Variants in RANBP9 observed in about 807,000 individuals in gnomAD.
RANBP9 encodes the protein ran-binding protein 9.
A neutral mutation model predicts 84.3 loss-of-function variants in RANBP9; 15 were observed. The ratio of observed to expected loss-of-function variants is 0.18; its 90% CI spans 0.12 to 0.27. The LOEUF (loss-of-function observed/expected upper bound fraction) is 0.27. Among genes scored for constraint, RANBP9 ranks in the 10% least tolerant of loss-of-function variants. The pLI is 1.00. For missense variants in RANBP9, 809 were observed against 912.8 expected, an observed-to-expected ratio of 0.89 and a Z score of 1.46; for synonymous variants, 392 against 349.6, an observed-to-expected ratio of 1.12 and a Z score of -1.35.
intron 5 of RANBP9, among the ~76,000 whole-genome samples, chr6:13,646,238 C>T (rs939756795): frequency 5.3e-5 from 8 of 152,028 alleles, no homozygotes; most frequent in Non-Finnish European, 1.0e-4. Context: ...GGTGAAACCC[C>T]GCCTCTACTA....
chr6:13,690,839 G>T (rs563329460), intron 2 of RANBP9, among the ~76,000 whole-genome samples: 1 of 152,108 alleles, frequency 6.6e-6, no homozygotes, highest in Admixed American at 6.6e-5. Context: ...AGAAGGGAAA[G>T]TAAACACACA....
chr6:13,671,674 A>G (rs1483614105), intron 2 of RANBP9, among the ~76,000 whole-genome samples: 1 of 152,168 alleles, frequency 6.6e-6, no homozygotes, highest in East Asian at 1.9e-4. Flanking sequence ...TCAGGTGACA[A>G]AAATGTTTAA....
At chr6:13,658,698 A>G in intron 3 of RANBP9, 82 bp downstream of exon 3, 1 of 1,130,150 alleles carries the variant, frequency 8.8e-7, no homozygotes, top group Non-Finnish European at 1.3e-6. Flanking sequence ...GTATCTTTAA[A>G]TATTACAATT....
At chr6:13,629,903 C>G (rs957953653) in intron 12 of RANBP9, among the ~76,000 whole-genome samples, 46 of 119,556 alleles carry the variant, frequency 3.8e-4, no homozygotes, top group African/African-American at 5.8e-4. Context: ...CTGTCTCTCT[C>G]TCTCTCTCTC....
In RANBP9 at chr6:13,702,493, G is replaced by A. The variant is rs528622298; in HGVS notation, c.572-5597C>T. Among the ~76,000 whole-genome samples, 5 of 152,156 alleles carry A rather than the reference G, an allele frequency of 3.3e-5. No individual in the cohort carries two copies. The South Asian group carries it at 1.0e-3, about 32-fold the overall frequency. On this transcript the variant is annotated intron_variant, in intron 1 of 13. Coordinates refer to ENST00000011619, the MANE Select transcript of RANBP9 (RefSeq NM_005493.3). ...ACATTTCCTGGAACACCATACCTTG[G>A]ACTAATATAATATAGTATTTTCATT...
chr6:13,650,945 CAG>C (rs537849766), intron 5 of RANBP9, among the ~76,000 whole-genome samples: 69 of 152,128 alleles, frequency 4.5e-4, no homozygotes, highest in African/African-American at 1.6e-3. Flanking sequence ...ACCTGGGTGA[CAG>C]AGTGAGATCA....
At chr6:13,647,213 A>G (rs1038491502) in intron 5 of RANBP9, among the ~76,000 whole-genome samples, 1 of 152,198 alleles carries the variant, frequency 6.6e-6, no homozygotes, top group African/African-American at 2.4e-5. Flanking sequence ...CATTATTTGT[A>G]ACACAAACAA....
In RANBP9 at chr6:13,622,509, TA is replaced by T. The variant is rs1458232394; in HGVS notation, c.2060-18del. 2 of 1,551,308 alleles carry T rather than the reference TA, an allele frequency of 1.3e-6. No individual in the cohort carries two copies. Among genetic ancestry groups the T allele is most frequent in the South Asian group, 1.2e-5 (1 of 81,696 alleles). Reference sequence around the variant, plus strand: ...TGTGGGTTTCTGAGGAAAAATAATTTAAAAATGAGAACAGCAATTAGCAAGA... The same window carrying T: ...TGTGGGTTTCTGAGGAAAAATAATTTAAAATGAGAACAGCAATTAGCAAGA... On this transcript the variant is annotated intron_variant, in intron 13 of 13. Coordinates refer to ENST00000011619, the MANE Select transcript of RANBP9 (RefSeq NM_005493.3).
intron 5 of RANBP9, among the ~76,000 whole-genome samples, chr6:13,648,924 T>A (rs1354793314): frequency 2.0e-5 from 3 of 152,218 alleles, no homozygotes; most frequent in Non-Finnish European, 4.4e-5. Context: ...GAATTAGTTA[T>A]ACTTAATGTC....
rs752713382 is a variant in RANBP9 at position 13,652,619 on chromosome 6, G to T, written c.927+40C>A. On this transcript the variant is annotated intron_variant, in intron 5 of 13. Coordinates refer to ENST00000011619, the MANE Select transcript of RANBP9 (RefSeq NM_005493.3). ...CAGTATCAGTTTCTTTATACTTCCT[G>T]TAATTAAAAATGGAAAACTGCTTTT... 6.6e-5 allele frequency: 100 copies of T among 1,520,048 alleles called. No homozygotes were observed. The East Asian group carries it at 2.1e-3, about 32-fold the overall frequency. The allele number at this position is 1,520,048 out of a possible 1,614,324, so 94.2% of individuals were successfully genotyped here.
At chr6:13,700,003 T>C (rs1757926539) in intron 1 of RANBP9, among the ~76,000 whole-genome samples, 1 of 152,216 alleles carries the variant, frequency 6.6e-6, no homozygotes, top group African/African-American at 2.4e-5. Context: ...TTACCTCAAA[T>C]TCTGTGGTAA....
intron 1 of RANBP9, among the ~76,000 whole-genome samples, chr6:13,700,427 T>C (rs1757939517): frequency 6.6e-6 from 1 of 152,200 alleles, no homozygotes; most frequent in Non-Finnish European, 1.5e-5. Context: ...TTTCAATTCT[T>C]CACATTGATC....
chr6:13,645,534 T>C (rs906265580), intron 5 of RANBP9, among the ~76,000 whole-genome samples: 1 of 152,234 alleles, frequency 6.6e-6, no homozygotes, highest in Non-Finnish European at 1.5e-5. Context: ...TCTGAGTGGC[T>C]ACTAAATGCC....
At chr6:13,701,522 C>G (rs1757970542) in intron 1 of RANBP9, among the ~76,000 whole-genome samples, 1 of 152,152 alleles carries the variant, frequency 6.6e-6, no homozygotes, top group Non-Finnish European at 1.5e-5. Context: ...CCTGTAATCC[C>G]AGCACTTTGG....
At chr6:13,653,540 C>G (rs1018140163) in intron 4 of RANBP9, among the ~76,000 whole-genome samples, 5 of 152,094 alleles carry the variant, frequency 3.3e-5, no homozygotes, top group African/African-American at 1.2e-4. Flanking sequence ...AACATTAAAA[C>G]CAAGCCAGCA....
intron 4 of RANBP9, among the ~76,000 whole-genome samples, chr6:13,654,995 TA>T (rs1765367817): frequency 6.6e-6 from 1 of 152,250 alleles, no homozygotes; most frequent in African/African-American, 2.4e-5. Flanking sequence ...CTTGACAAAC[TA>T]AGAAAACTGA....
chr6:13,641,425 AT>A (rs1390558866), intron 7 of RANBP9, 118 bp from the exon 8 acceptor site: 1 of 628,222 alleles, frequency 1.6e-6, no homozygotes, highest in Non-Finnish European at 2.7e-6. Context: ...ATTAATTTCA[AT>A]TTCTTTCTCT....
chr6:13,638,689 C>A (rs1764995391), intron 9 of RANBP9, among the ~76,000 whole-genome samples: 1 of 151,564 alleles, frequency 6.6e-6, no homozygotes, highest in Non-Finnish European at 1.5e-5. Context: ...AAAACAAAAC[C>A]AAAAAAACCT....
At chr6:13,676,881 T>C (rs542259139) in intron 2 of RANBP9, among the ~76,000 whole-genome samples, 2 of 152,128 alleles carry the variant, frequency 1.3e-5, no homozygotes, top group South Asian at 4.1e-4. Flanking sequence ...ATAAAGAACA[T>C]CTACAAAAAA....
Sources: gnomAD v4.1 joint callset for allele counts (sites outside exome capture counted in the v4.1 genomes callset) on GRCh38, gnomAD v4.1.1 for gene constraint, MANE v1.5 for transcripts, NCBI Gene and HGNC (gene_info 2026-07-23, HGNC 2026-07-21) for gene names.